The following RFC3 variants were observed in gnomAD, a reference collection of about 807,000 sequenced individuals.
RFC3 encodes the protein replication factor C subunit 3.
A neutral mutation model predicts 45.1 loss-of-function variants in RFC3; 41 were observed. The observed-to-expected ratio is 0.91, with a 90% CI of 0.71 to 1.18. The LOEUF is 1.18. RFC3 is among the 50% of genes most tolerant of loss of function. The pLI is 0.00. For missense variants in RFC3, 423 were observed against 428.1 expected (o/e 0.99, Z 0.10); for synonymous variants, 149 against 144.0 (o/e 1.03, Z -0.25).
chr13:33,888,612 G>A (rs2082542582), intron 8 of RFC3, among the ~76,000 whole-genome samples: 1 of 151,988 alleles, frequency 6.6e-6, no homozygotes, highest in Non-Finnish European at 1.5e-5. Flanking sequence ...GACAATGAAA[G>A]TTTTGTATAG....
intron 8 of RFC3, among the ~76,000 whole-genome samples, chr13:33,916,646 G>A (rs928963741): frequency 6.6e-6 from 1 of 152,164 alleles, no homozygotes. Flanking sequence ...ATGTATGTAC[G>A]TAGATGTCTG....
chr13:33,910,672 A>G (rs1566025044), intron 8 of RFC3, among the ~76,000 whole-genome samples: 2 of 152,086 alleles, frequency 1.3e-5, no homozygotes, highest in South Asian at 2.1e-4. Flanking sequence ...GCAATAGGCT[A>G]TAAGAGCTCG....
chr13:33,895,067 A>G (rs1241484681), intron 8 of RFC3, among the ~76,000 whole-genome samples: 1 of 152,200 alleles, frequency 6.6e-6, no homozygotes, highest in East Asian at 1.9e-4. Context: ...AAAACCTAGG[A>G]AAAACACTTC....
At chr13:33,950,637 A>G (rs377527098) in intron 8 of RFC3, among the ~76,000 whole-genome samples, 4 of 152,220 alleles carry the variant, frequency 2.6e-5, no homozygotes, top group African/African-American at 7.2e-5. Context: ...GCCAACACAC[A>G]GGTCAACTGA....
At chr13:33,892,817 G>A (rs1033251174) in intron 8 of RFC3, among the ~76,000 whole-genome samples, 1 of 152,100 alleles carries the variant, frequency 6.6e-6, no homozygotes, top group African/African-American at 2.4e-5. Context: ...AGTCCCTGGG[G>A]CCACAGAGAA....
chr13:33,897,584 A>G (rs1296144958), intron 8 of RFC3, among the ~76,000 whole-genome samples: 2 of 151,590 alleles, frequency 1.3e-5, no homozygotes, highest in African/African-American at 4.8e-5. Flanking sequence ...ATTAACACTT[A>G]ATGTAAATAG....
chr13:33,835,387 G>T (rs1338868632), intron 8 of RFC3, 170 bp downstream of exon 8: 5 of 739,918 alleles, frequency 6.8e-6, no homozygotes, highest in Non-Finnish European at 1.0e-5. Flanking sequence ...GAGGAATGCT[G>T]AAGAAAAGAA....
At chr13:33,957,629 C>G (rs2083030005) in intron 8 of RFC3, among the ~76,000 whole-genome samples, 1 of 152,156 alleles carries the variant, frequency 6.6e-6, no homozygotes, top group Non-Finnish European at 1.5e-5. Context: ...AAGCCAAGTA[C>G]ATAACTGTGA....
At chr13:33,949,626 G>A (rs559817117) in intron 8 of RFC3, among the ~76,000 whole-genome samples, 4 of 152,124 alleles carry the variant, frequency 2.6e-5, no homozygotes, top group Non-Finnish European at 4.4e-5. Context: ...TTAGGTGCAC[G>A]TGATGATTAA....
intron 1 of RFC3, among the ~76,000 whole-genome samples, chr13:33,819,174 G>A (rs1291933118): frequency 6.6e-6 from 1 of 152,310 alleles, no homozygotes; most frequent in East Asian, 1.9e-4. Context: ...TTACAGGCGT[G>A]GGCCACCGTG....
chr13:33,879,069 C>A (rs911133277), intron 8 of RFC3, among the ~76,000 whole-genome samples: 4 of 152,098 alleles, frequency 2.6e-5, no homozygotes, highest in African/African-American at 9.7e-5. Context: ...CTATAAATTT[C>A]TTCCCATCCC....
intron 8 of RFC3, among the ~76,000 whole-genome samples, chr13:33,904,585 C>T (rs778406407): frequency 9.9e-5 from 15 of 152,026 alleles, no homozygotes; most frequent in Non-Finnish European, 1.6e-4. Flanking sequence ...GGAACCCTCC[C>T]GAAGCAAGGC....
intron 8 of RFC3, among the ~76,000 whole-genome samples, chr13:33,949,859 C>T (rs145617149): frequency 7.2e-5 from 11 of 152,192 alleles, no homozygotes; most frequent in South Asian, 4.2e-4. Flanking sequence ...ATTTCTCTTA[C>T]CTGACAGCCT....
chr13:33,861,502 C>T (rs1321769529), intron 8 of RFC3, among the ~76,000 whole-genome samples: 2 of 151,906 alleles, frequency 1.3e-5, no homozygotes, highest in Non-Finnish European at 2.9e-5. Flanking sequence ...GTGAATTAGC[C>T]GGGTGTGGTG....
At chr13:33,915,973 T>C (rs1434066817) in intron 8 of RFC3, among the ~76,000 whole-genome samples, 2 of 152,054 alleles carry the variant, frequency 1.3e-5, no homozygotes, top group African/African-American at 4.8e-5. Context: ...TAATTTTGTA[T>C]TTTTGGTAGA....
At chr13:33,913,774 C>G (rs557431205) in intron 8 of RFC3, among the ~76,000 whole-genome samples, 1 of 152,120 alleles carries the variant, frequency 6.6e-6, no homozygotes, top group East Asian at 1.9e-4. Context: ...ATGAGATATC[C>G]CAAGAAGGCA....
In RFC3 at chr13:33,917,861, AAAAC is replaced by A. The variant is rs1042831139; in HGVS notation, c.880-48216_880-48213del. On this transcript the variant is annotated intron_variant, in intron 8 of 8. Transcript: ENST00000434425. ...AATCCACTTGAATTTTGTTTAAAAA[AAAAC>A]AAACAAACAGGAAACCTTCACTTGT... 2.8e-4 allele frequency among the ~76,000 whole-genome samples: 42 copies of A among 152,232 alleles called. 1 individual carries two copies. Among genetic ancestry groups the A allele is most frequent in the Middle Eastern group, 3.4e-3 (1 of 294 alleles).
chr13:33,954,074 T>C (rs2083006466), intron 8 of RFC3, among the ~76,000 whole-genome samples: 1 of 152,192 alleles, frequency 6.6e-6, no homozygotes, highest in South Asian at 2.1e-4. Context: ...ATTTGTAATT[T>C]CCTTTCACCT....
chr13:33,883,515 T>TAC (rs936948907), intron 8 of RFC3, among the ~76,000 whole-genome samples: 2 of 151,834 alleles, frequency 1.3e-5, no homozygotes, highest in Non-Finnish European at 2.9e-5. Context: ...CACACACACA[T>TAC]ACACACACAC....
Sources: gnomAD v4.1 joint callset for allele counts (sites outside exome capture counted in the v4.1 genomes callset) on GRCh38, gnomAD v4.1.1 for gene constraint, MANE v1.5 for transcripts, NCBI Gene and HGNC (gene_info 2026-07-23, HGNC 2026-07-21) for gene names.